TRAPPC8: variants seen among roughly 807,000 people sequenced by gnomAD.
The protein encoded by TRAPPC8 is general sporulation gene 1 homolog.
A neutral mutation model predicts 174.3 loss-of-function variants in TRAPPC8; 54 were observed. That is an observed-to-expected ratio of 0.31 (90% CI 0.25 to 0.39). The LOEUF (loss-of-function observed/expected upper bound fraction) is 0.39. TRAPPC8 is among the 10% of genes least tolerant of loss of function. The probability of loss-of-function intolerance (pLI) is 1.00; values close to 1 mark genes in which losing one functional copy is unlikely to be tolerated. For missense variants in TRAPPC8, 1,531 were observed against 1,699.1 expected, an observed-to-expected ratio of 0.90 and a Z score of 1.74; for synonymous variants, 630 against 579.9, an observed-to-expected ratio of 1.09 and a Z score of -1.24.
intron 11 of TRAPPC8, among the ~76,000 whole-genome samples, chr18:31,894,997 C>A (rs999940725): frequency 4.6e-5 from 7 of 152,290 alleles, no homozygotes; most frequent in African/African-American, 1.4e-4. Context: ...CATGTTTCAC[C>A]ATTAAACTGG....
chr18:31,908,711 T>A (rs758232425), intron 7 of TRAPPC8, 43 bp downstream of exon 7: 2 of 1,466,634 alleles, frequency 1.4e-6, no homozygotes, highest in African/African-American at 2.9e-5. Context: ...ATTTACTATT[T>A]ACTTAAATTT....
At chr18:31,881,626 A>G (rs889915243) in intron 12 of TRAPPC8, among the ~76,000 whole-genome samples, 3 of 152,184 alleles carry the variant, frequency 2.0e-5, no homozygotes, top group African/African-American at 7.2e-5. Context: ...CAATGCCAAC[A>G]AAAACAAAAA....
At chr18:31,844,349 G>C (rs2033270572) in intron 26 of TRAPPC8, 1 of 152,200 alleles carries the variant, frequency 6.6e-6, no homozygotes, top group Admixed American at 6.5e-5. Context: ...GTCTGGAAGA[G>C]AAAGATTTCT....
chr18:31,848,249 A>G (rs530984658), intron 25 of TRAPPC8, among the ~76,000 whole-genome samples: 1 of 152,260 alleles, frequency 6.6e-6, no homozygotes, highest in East Asian at 1.9e-4. Flanking sequence ...TTTCTTCTTT[A>G]TGTGATTAGT....
intron 12 of TRAPPC8, among the ~76,000 whole-genome samples, chr18:31,875,849 T>G (rs1469981237): frequency 6.6e-6 from 1 of 152,134 alleles, no homozygotes; most frequent in Non-Finnish European, 1.5e-5. Flanking sequence ...CACTCATATG[T>G]GGGAGCTAAA....
intron 12 of TRAPPC8, among the ~76,000 whole-genome samples, chr18:31,884,546 C>T (rs1043703079): frequency 6.6e-6 from 1 of 152,202 alleles, no homozygotes; most frequent in Non-Finnish European, 1.5e-5. Context: ...TTACTTATCA[C>T]TGCCACTCTC....
At chr18:31,910,934 T>TA (rs2036877335) in intron 5 of TRAPPC8, among the ~76,000 whole-genome samples, 1 of 152,198 alleles carries the variant, frequency 6.6e-6, no homozygotes, top group Non-Finnish European at 1.5e-5. Flanking sequence ...TTTTTAAAAA[T>TA]AAAGTTCCTT....
intron 5 of TRAPPC8, among the ~76,000 whole-genome samples, chr18:31,910,781 T>C: frequency 6.6e-6 from 1 of 152,248 alleles, no homozygotes; most frequent in Non-Finnish European, 1.5e-5. Flanking sequence ...AAGGCATAGA[T>C]TTCTGATATT....
chr18:31,856,125 G>A (rs1458634060), intron 20 of TRAPPC8, among the ~76,000 whole-genome samples: 1 of 150,408 alleles, frequency 6.6e-6, no homozygotes, highest in African/African-American at 2.4e-5. Context: ...TTTTTTTTGA[G>A]ACAGAGTCTT....
chr18:31,873,679 A>G lies in TRAPPC8; in HGVS notation c.1954-141T>C, dbSNP rs1304751096. On this transcript the variant is annotated intron_variant, in intron 13 of 28. Transcript: ENST00000283351. ...TATGTAATTACTAGTTTTATTTCTC[A>G]TATCAGTCATAAAATTTTACAACTC... 1.2e-5 allele frequency: 7 copies of G among 566,608 alleles called. No individual in the cohort carries two copies. The South Asian group carries it at 1.5e-4, about 12-fold the overall frequency. 35.1% of individuals were successfully genotyped at this position (566,608 alleles called of 1,614,324 possible). A position where few individuals can be genotyped will look rare whatever the true frequency, so the allele number is the denominator to read the frequency against.
chr18:31,888,709 C>A (rs1225943901), intron 12 of TRAPPC8, among the ~76,000 whole-genome samples: 1 of 152,080 alleles, frequency 6.6e-6, no homozygotes, highest in Non-Finnish European at 1.5e-5. Context: ...TAAGTGGGAG[C>A]TAAACAATGA....
At chr18:31,884,366 T>C (rs1233723527) in intron 12 of TRAPPC8, among the ~76,000 whole-genome samples, 4 of 152,224 alleles carry the variant, frequency 2.6e-5, no homozygotes, top group African/African-American at 9.6e-5. Flanking sequence ...CAGCGTGTGC[T>C]AAAACTGCAT....
intron 21 of TRAPPC8, among the ~76,000 whole-genome samples, chr18:31,854,825 C>T (rs56303347): frequency 0.25 from 38,065 of 151,290 alleles, 5,341 homozygotes; most frequent in South Asian, 0.52. Flanking sequence ...AAAAATTAGC[C>T]GGGCGTGGTG....
chr18:31,916,776 C>A (rs181994960), intron 3 of TRAPPC8, among the ~76,000 whole-genome samples: 1 of 151,252 alleles, frequency 6.6e-6, no homozygotes, highest in Non-Finnish European at 1.5e-5. Flanking sequence ...TCAGGTAACC[C>A]GCCCGCCTCA....
At chr18:31,831,977 G>T (rs1346475364) in intron 28 of TRAPPC8, 107 bp downstream of exon 28, 7 of 710,688 alleles carry the variant, frequency 9.8e-6, no homozygotes, top group Non-Finnish European at 1.5e-5. Flanking sequence ...CAAAAAACCA[G>T]GACAAGCTTG....
chr18:31,942,067 T>A (rs962004354), intron 1 of TRAPPC8, among the ~76,000 whole-genome samples: 2 of 152,208 alleles, frequency 1.3e-5, no homozygotes, highest in African/African-American at 4.8e-5. Flanking sequence ...CTTGAGAGGT[T>A]AAGCAAAATA....
intron 1 of TRAPPC8, 149 bp downstream of exon 1, chr18:31,942,459 C>T (rs1228086300): frequency 5.5e-6 from 6 of 1,086,814 alleles, no homozygotes; most frequent in African/African-American, 5.0e-5. Context: ...TCCAGCCGCC[C>T]CCGGAGCACC....
intron 12 of TRAPPC8, among the ~76,000 whole-genome samples, chr18:31,890,361 T>G (rs1277533207): frequency 6.6e-6 from 1 of 152,194 alleles, no homozygotes; most frequent in East Asian, 1.9e-4. Flanking sequence ...AGCAGGATTT[T>G]TTTAAAAAGT....
chr18:31,867,349 T>G lies in TRAPPC8; in HGVS notation c.2463+53A>C. On this transcript the variant is annotated intron_variant, in intron 17 of 28. Transcript: ENST00000283351. ...TGAATAAAGATTATTTAAAAATTTG[T>G]TTTCACCTTACTTTCAGAAAGGCAT... 4 of 1,257,232 alleles carry G rather than the reference T, an allele frequency of 3.2e-6. No individual in the cohort carries two copies. In the South Asian group the frequency reaches 5.2e-5, roughly 16 times the overall value. The allele number at this position is 1,257,232 out of a possible 1,614,324, so 77.9% of individuals were successfully genotyped here.
Sources: allele counts gnomAD v4.1 joint callset (sites outside exome capture counted in the v4.1 genomes callset), GRCh38; gene constraint gnomAD v4.1.1; transcripts MANE v1.5; gene names NCBI Gene and HGNC (gene_info 2026-07-23, HGNC 2026-07-21).